The following MTMR7 variants were observed in gnomAD, a reference collection of about 807,000 sequenced individuals.
MTMR7 encodes the protein phosphatidylinositol-3-phosphate phosphatase MTMR7.
In MTMR7, 76 loss-of-function variants were observed where a neutral mutation model predicts 81.2. That is an observed-to-expected ratio of 0.94 (90% CI 0.78 to 1.13). The LOEUF (loss-of-function observed/expected upper bound fraction) is 1.13. Ranked by LOEUF, MTMR7 falls within the 50% of genes most tolerant of loss-of-function variation. The pLI is 0.00. For missense variants in MTMR7, 1,044 were observed against 820.0 expected, an observed-to-expected ratio of 1.27 and a Z score of -3.34; for synonymous variants, 372 against 289.8, an observed-to-expected ratio of 1.28 and a Z score of -2.88.
intron 6 of MTMR7, among the ~76,000 whole-genome samples, chr8:17,337,858 G>A (rs1461498646): frequency 1.3e-5 from 2 of 152,154 alleles, no homozygotes; most frequent in Non-Finnish European, 2.9e-5. Flanking sequence ...ATGTCAACAA[G>A]TAATTCTGAG....
intron 1 of MTMR7, among the ~76,000 whole-genome samples, chr8:17,400,134 G>C (rs909103440): frequency 6.6e-6 from 1 of 152,130 alleles, no homozygotes; most frequent in African/African-American, 2.4e-5. Flanking sequence ...TTACTGTTGA[G>C]ATTGAATTTA....
Position 17,316,630 on chromosome 8 carries a change from C to A in MTMR7, c.866-3229G>T, listed in dbSNP as rs1324623241. Among the ~76,000 whole-genome samples the A allele has an allele frequency of 3.3e-5, 5 of 151,940 alleles. No individual in the cohort carries two copies. In the East Asian group the frequency reaches 7.7e-4, roughly 24 times the overall value. Reference sequence around the variant, plus strand: ...TTCCACATCCTTGGAGTCAACCAACCACAGAGCACAAATATTTGAAAAAAA... The same window carrying A: ...TTCCACATCCTTGGAGTCAACCAACAACAGAGCACAAATATTTGAAAAAAA... On this transcript the variant is annotated intron_variant, in intron 7 of 13. Transcript: ENST00000180173.
At chr8:17,399,297 A>T (rs1471851565) in intron 1 of MTMR7, among the ~76,000 whole-genome samples, 1 of 152,336 alleles carries the variant, frequency 6.6e-6, no homozygotes, top group East Asian at 1.9e-4. Context: ...CAAGATACGA[A>T]ATCAAAATAC....
intron 7 of MTMR7, among the ~76,000 whole-genome samples, chr8:17,314,137 G>A (rs1817934602): frequency 6.6e-6 from 1 of 152,072 alleles, no homozygotes; most frequent in Middle Eastern, 3.2e-3. Context: ...TTTATTTAAC[G>A]TAAAGCATTA....
intron 1 of MTMR7, among the ~76,000 whole-genome samples, chr8:17,384,425 A>G (rs1820865595): frequency 6.6e-6 from 1 of 152,152 alleles, no homozygotes; most frequent in South Asian, 2.1e-4. Context: ...AAATAAATAA[A>G]TAAATAATTA....
Position 17,371,153 on chromosome 8 carries a change from G to A in MTMR7, c.194C>T (p.Ala65Val). 1.9e-6 allele frequency: 3 copies of A among 1,614,224 alleles called. No individual in the cohort carries two copies. Among genetic ancestry groups the A allele is most frequent in the Non-Finnish European group, 2.5e-6 (3 of 1,180,036 alleles). Reference protein sequence around the residue: ...ISTIEKQATTATGCPLLIRCK... With the variant: ...ISTIEKQATTVTGCPLLIRCK... ...GCGAATCAGCAGAGGGCATCCGGTA[G>A]CGGTTGTTGCCTGTTTCTCAATGGT... Residue 65 changes from alanine to valine, a missense_variant, in exon 3 of 14, where the codon GCT (alanine) becomes GTT (valine). Physicochemically the swap from Ala to Val is moderately conservative, Grantham distance 64. Transcript: ENST00000180173.
intron 6 of MTMR7, among the ~76,000 whole-genome samples, chr8:17,336,227 A>C (rs976035346): frequency 6.6e-6 from 1 of 151,872 alleles, no homozygotes; most frequent in Non-Finnish European, 1.5e-5. Context: ...TCACCAGCAC[A>C]CCCACCCCAG....
chr8:17,325,754 C>T (rs1319226515), intron 7 of MTMR7, among the ~76,000 whole-genome samples: 1 of 146,982 alleles, frequency 6.8e-6, no homozygotes. Flanking sequence ...GACCCTATCA[C>T]GAGACAAACA....
intron 2 of MTMR7, 82 bp from the exon 3 acceptor site, chr8:17,371,281 A>G (rs1314237891): frequency 6.2e-6 from 9 of 1,460,466 alleles, no homozygotes; most frequent in Non-Finnish European, 7.4e-6. Flanking sequence ...TTGTGGCTCA[A>G]AGAAAGACAA....
intron 7 of MTMR7, among the ~76,000 whole-genome samples, chr8:17,318,696 T>C (rs1218372097): frequency 6.6e-6 from 1 of 152,170 alleles, no homozygotes; most frequent in Admixed American, 6.5e-5. Context: ...GTATTGTGCA[T>C]GTTTGGAAGG....
intron 1 of MTMR7, among the ~76,000 whole-genome samples, chr8:17,391,821 A>G (rs1585117304): frequency 6.6e-6 from 1 of 152,216 alleles, no homozygotes; most frequent in East Asian, 1.9e-4. Flanking sequence ...CAATTTTTAT[A>G]AAGTTGTCAT....
intron 4 of MTMR7, among the ~76,000 whole-genome samples, chr8:17,359,799 A>T (rs371477588): frequency 7.2e-5 from 11 of 152,310 alleles, no homozygotes; most frequent in African/African-American, 2.6e-4. Flanking sequence ...AAAGATTTTT[A>T]AAAACTAACT....
chr8:17,383,930 A>G (rs950764096), intron 1 of MTMR7, among the ~76,000 whole-genome samples: 17 of 152,118 alleles, frequency 1.1e-4, no homozygotes, highest in Non-Finnish European at 2.4e-4. Context: ...GTAATTATAG[A>G]AACATCTACC....
At chr8:17,311,225 A>G (rs142808920) in intron 9 of MTMR7, among the ~76,000 whole-genome samples, 115 of 152,348 alleles carry the variant, frequency 7.5e-4, no homozygotes, top group Non-Finnish European at 1.2e-3. Context: ...GATATATAAA[A>G]TTGGCTTACA....
intron 1 of MTMR7, among the ~76,000 whole-genome samples, chr8:17,408,605 G>A (rs1194942491): frequency 1.3e-5 from 2 of 152,080 alleles, no homozygotes; most frequent in Non-Finnish European, 2.9e-5. Context: ...AGTCACTTCT[G>A]CTCTTGGATA....
Position 17,300,051 on chromosome 8 carries a change from A to G in MTMR7, c.1794T>C (p.Asp598=). ...GGGTTAGAATCAGAGCAGAATCTTC[A>G]TCGCCTTGTGAAGGGCTCCGGGATG... ...SFPSRSPSQG[D]EDSALILTQD... The change falls in exon 14 of 14, where the codon GAT becomes GAC. Residue 598 remains aspartate (D), a synonymous_variant. Coordinates refer to ENST00000180173, the MANE Select transcript of MTMR7 (RefSeq NM_004686.5). 1 of 1,614,180 alleles carries G rather than the reference A, an allele frequency of 6.2e-7. No individual in the cohort carries two copies. Among genetic ancestry groups the G allele is most frequent in the Non-Finnish European group, 8.5e-7 (1 of 1,180,020 alleles).
chr8:17,324,402 A>C (rs1378165838), intron 7 of MTMR7, among the ~76,000 whole-genome samples: 2 of 152,218 alleles, frequency 1.3e-5, no homozygotes, highest in Admixed American at 6.5e-5. Flanking sequence ...CAGTGGCTTC[A>C]AGAGGTTTCC....
chr8:17,307,354 T>C (rs1057279743), intron 10 of MTMR7, among the ~76,000 whole-genome samples: 1 of 152,188 alleles, frequency 6.6e-6, no homozygotes, highest in African/African-American at 2.4e-5. Context: ...TCACACCAGT[T>C]AGAATGGCGA....
intron 1 of MTMR7, among the ~76,000 whole-genome samples, chr8:17,408,395 CAAAA>C (rs530240881): frequency 0.024 from 573 of 23,488 alleles, 42 homozygotes; most frequent in South Asian, 0.089. Context: ...GACTCCGTCT[CAAAA>C]AAAAAAAAAA....
Sources: allele counts gnomAD v4.1 joint callset (sites outside exome capture counted in the v4.1 genomes callset), GRCh38; gene constraint gnomAD v4.1.1; transcripts MANE v1.5; gene names NCBI Gene and HGNC (gene_info 2026-07-23, HGNC 2026-07-21).